ASPSCR1: variants seen among roughly 807,000 people sequenced by gnomAD.
ASPSCR1 encodes the protein ASPSCR1 tether for SLC2A4, UBX domain containing.
In ASPSCR1, 55 loss-of-function variants were observed where a neutral mutation model predicts 68.9. The observed-to-expected ratio is 0.80, with a 90% confidence interval of 0.64 to 1.00. The LOEUF is 1.00. Ranked by LOEUF, ASPSCR1 falls within the 50% of genes least tolerant of loss-of-function variation. The pLI, the probability that ASPSCR1 is intolerant of heterozygous loss-of-function variation, is 0.00. For missense variants in ASPSCR1, 765 were observed against 762.2 expected (o/e 1.00, Z -0.04); for synonymous variants, 352 against 332.6 (o/e 1.06, Z -0.63).
At chr17:81,979,670 G>A (rs775012345) in intron 2 of ASPSCR1, among the ~76,000 whole-genome samples, 4 of 152,134 alleles carry the variant, frequency 2.6e-5, no homozygotes, top group Non-Finnish European at 5.9e-5. Context: ...TTTTGGGGGG[G>A]CCACCATTCA....
chr17:82,003,149 A>C (rs1649280105), intron 7 of ASPSCR1, among the ~76,000 whole-genome samples: 1 of 152,220 alleles, frequency 6.6e-6, no homozygotes, highest in South Asian at 2.1e-4. Flanking sequence ...TGCCCAGCCT[A>C]AAATAACTTT....
In ASPSCR1 at chr17:81,990,456, A is replaced by G. The variant is rs1286785651; in HGVS notation, c.375-4365A>G. Among the ~76,000 whole-genome samples the G allele has an allele frequency of 6.6e-6, 1 of 151,830 alleles. No homozygotes were observed. Among genetic ancestry groups the G allele is most frequent in the African/African-American group, 2.4e-5 (1 of 41,284 alleles). ...ACAGCCACGCCGAGCTCTGGGGGAC[A>G]CTGCTCTCCGCCTGCCTGGTGGGCC... On this transcript the variant is annotated intron_variant, in intron 4 of 15. Coordinates refer to ENST00000306739, the MANE Select transcript of ASPSCR1 (RefSeq NM_024083.4). This position sits in a 1 kb window ranked among gnomAD's most constrained non-coding sequence, Gnocchi z 4.1.
chr17:81,997,646 G>A (rs2042396823), intron 7 of ASPSCR1, among the ~76,000 whole-genome samples: 1 of 149,998 alleles, frequency 6.7e-6, no homozygotes, highest in Non-Finnish European at 1.5e-5. Flanking sequence ...GCACCACCAA[G>A]CCCAGCTAAT....
chr17:81,989,850 C>T (rs758684425), intron 4 of ASPSCR1, among the ~76,000 whole-genome samples: 8 of 152,292 alleles, frequency 5.3e-5, no homozygotes, highest in Non-Finnish European at 7.4e-5. Flanking sequence ...TGCAGTGGTG[C>T]GATCTTGGCT....
In ASPSCR1 at chr17:81,977,915, G is replaced by GCTGGGGTCC; in HGVS notation, c.102+169_102+177dup. ...CCTGCTCGCCGTCACCTGCGCTTCC[G>GCTGGGGTCC]CTGGGGTCCCGGGGGTCCCGGGGGT... On this transcript the variant is annotated intron_variant, in intron 1 of 15. Coordinates refer to ENST00000306739, the MANE Select transcript of ASPSCR1 (RefSeq NM_024083.4). This position sits in a 1 kb window ranked among gnomAD's most constrained non-coding sequence, Gnocchi z 5.0. 1 of 432,768 alleles carries GCTGGGGTCC rather than the reference G, an allele frequency of 2.3e-6. No homozygotes were observed. Among genetic ancestry groups the GCTGGGGTCC allele is most frequent in the Non-Finnish European group, 3.6e-6 (1 of 278,138 alleles). The allele number at this position is 432,768 out of a possible 1,614,324, so 26.8% of individuals were successfully genotyped here. A position where few individuals can be genotyped will look rare whatever the true frequency, so the allele number is the denominator to read the frequency against.
At chr17:82,015,317 CCGAGT>C in intron 12 of ASPSCR1, 2 of 1,598,182 alleles carry the variant, frequency 1.3e-6, no homozygotes, top group Non-Finnish European at 1.7e-6. Context: ...GCGATCCCTC[CCGAGT>C]CAAGGCTGGG....
intron 7 of ASPSCR1, among the ~76,000 whole-genome samples, chr17:82,000,034 A>C (rs975795666): frequency 6.6e-6 from 1 of 152,144 alleles, no homozygotes; most frequent in Non-Finnish European, 1.5e-5. Flanking sequence ...AACTCTGCCA[A>C]ACTCTGCACT....
chr17:81,989,081 G>A (rs2042083989), intron 4 of ASPSCR1, among the ~76,000 whole-genome samples: 1 of 152,060 alleles, frequency 6.6e-6, no homozygotes. Context: ...GGTGGTGAGG[G>A]CCTGTAATCC....
At chr17:82,001,430 A>C (rs1408964677) in intron 7 of ASPSCR1, among the ~76,000 whole-genome samples, 1 of 152,100 alleles carries the variant, frequency 6.6e-6, no homozygotes, top group African/African-American at 2.4e-5. Context: ...CTGGGCTCTG[A>C]GGCTGTCCCT....
chr17:82,016,320 G>A (rs1266042624), intron 12 of ASPSCR1, 156 bp from the exon 13 acceptor site: 4 of 674,636 alleles, frequency 5.9e-6, no homozygotes, highest in Non-Finnish European at 9.9e-6. Flanking sequence ...TAGGGCTGGT[G>A]TCAGACAGGA....
chr17:82,015,090 C>A, intron 12 of ASPSCR1: 1 of 1,597,662 alleles, frequency 6.3e-7, no homozygotes, highest in Non-Finnish European at 8.5e-7. Flanking sequence ...GCTTGGTGAC[C>A]GGGTGGCTCC....
chr17:82,001,989 TTTTTTTCTTTTTCC>T (rs1279701584), intron 7 of ASPSCR1, among the ~76,000 whole-genome samples: 7 of 149,908 alleles, frequency 4.7e-5, no homozygotes, highest in Admixed American at 6.7e-5. Context: ...TCTTTTCTTT[TTTTTTTCTTTTTCC>T]TTTTTTTTTT....
intron 10 of ASPSCR1, among the ~76,000 whole-genome samples, chr17:82,011,320 C>T (rs2042932826): frequency 6.8e-6 from 1 of 146,180 alleles, no homozygotes; most frequent in South Asian, 2.2e-4. Flanking sequence ...TGGGGGGCAG[C>T]GGGTGGCAGT....
chr17:81,996,496 G>A lies in ASPSCR1; in HGVS notation c.583G>A (p.Ala195Thr). The change falls in exon 7 of 16, where the codon GCC becomes ACC. Residue 195 changes from alanine to threonine, a missense_variant. Coordinates refer to ENST00000306739, the MANE Select transcript of ASPSCR1 (RefSeq NM_024083.4). ...CTCGTCAGCGTCGGCTGGCCAGGCA[G>A]CCGCCAGCGCTCCACTTCCCTTGGA... ...LGSSASAGQA[A>T]ASAPLPLESG... 1 of 1,611,776 alleles carries A rather than the reference G, an allele frequency of 6.2e-7. No individual in the cohort carries two copies. Among genetic ancestry groups the A allele is most frequent in the African/African-American group, 1.3e-5 (1 of 75,044 alleles).
chr17:82,002,507 G>A (rs369912147), intron 7 of ASPSCR1, among the ~76,000 whole-genome samples: 3 of 151,970 alleles, frequency 2.0e-5, no homozygotes, highest in African/African-American at 4.8e-5. Context: ...CACTTGCATC[G>A]GCCTCCCAAA....
At chr17:82,008,778 C>G in intron 7 of ASPSCR1, 1 of 409,048 alleles carries the variant, frequency 2.4e-6, no homozygotes. Context: ...GGAGCAGGGG[C>G]TCAGCATCAG....
chr17:82,001,859 C>CG (rs2042542840), intron 7 of ASPSCR1, among the ~76,000 whole-genome samples: 1 of 152,142 alleles, frequency 6.6e-6, no homozygotes, highest in Non-Finnish European at 1.5e-5. Context: ...CCTGCCTGTC[C>CG]GGGGGTGTTG....
rs372300609 is a variant in ASPSCR1, at chr17:81,996,553, C to T, written c.640C>T (p.Arg214Cys). ...GGAGCTCAGCCGCGGCGACTTGAGC[C>T]GTCCGGAGGACGCGGACACCTCAGG... ...SGELSRGDLS[R>C]PEDADTSGPC... The change falls in exon 7 of 16, where the codon CGT becomes TGT. Residue 214 changes from arginine (R) to cysteine (C), a missense_variant. Arg to Cys is a radical substitution (Grantham distance 180). Transcript: ENST00000306739. The T allele has an allele frequency of 2.5e-5, 41 of 1,612,798 alleles. No individual in the cohort carries two copies. The highest frequency in any genetic ancestry group is 3.1e-5 in the Non-Finnish European group (36 of 1,179,624).
At chr17:82,010,590 C>T (rs1004903358) in intron 9 of ASPSCR1, among the ~76,000 whole-genome samples, 15 of 150,692 alleles carry the variant, frequency 1.0e-4, no homozygotes, top group African/African-American at 3.4e-4. Flanking sequence ...GGTTTTAGAA[C>T]GCAGGCCGCT....
Sources: allele counts gnomAD v4.1 joint callset (sites outside exome capture counted in the v4.1 genomes callset), GRCh38; gene constraint gnomAD v4.1.1; non-coding constraint Gnocchi (gnomAD v3.1); transcripts MANE v1.5; gene names NCBI Gene and HGNC (gene_info 2026-07-23, HGNC 2026-07-21).